The following RASSF1 variants were observed in gnomAD, a reference collection of about 807,000 sequenced individuals.
RASSF1 encodes Ras association domain family member 1.
A neutral mutation model predicts 34.3 loss-of-function variants in RASSF1; 33 were observed. The observed-to-expected ratio is 0.96, with a 90% CI of 0.73 to 1.29. RASSF1 has a LOEUF of 1.29. RASSF1 is among the 50% of genes most tolerant of loss of function. RASSF1 has a pLI of 0.00. For synonymous variants in RASSF1, 191 were observed against 195.0 expected (o/e 0.98, Z 0.17); for missense variants, 445 against 471.8 (o/e 0.94, Z 0.53).
chr3:50,333,602 G>A (rs921583086), intron 2 of RASSF1, among the ~76,000 whole-genome samples: 6 of 151,712 alleles, frequency 4.0e-5, no homozygotes, highest in Non-Finnish European at 7.4e-5. Context: ...TCAGACTCCC[G>A]AGTAGCTGGG....
At chr3:50,340,419 C>G (rs1703320173) in intron 1 of RASSF1, 137 bp downstream of exon 1, 1 of 1,215,078 alleles carries the variant, frequency 8.2e-7, no homozygotes. Context: ...CACTCTTCAG[C>G]GATGGGGCGA....
chr3:50,337,908 G>T lies in RASSF1; in HGVS notation c.354C>A (p.Asn118Lys), dbSNP rs200466395. 9 of 1,604,102 alleles carry T rather than the reference G, an allele frequency of 5.6e-6. No homozygotes were observed. In the African/African-American group the frequency reaches 1.1e-4, roughly 19 times the overall value. Residue 118 changes from asparagine to lysine, a missense_variant, in exon 2 of 6, where the codon AAC becomes AAA. Asn to Lys is a moderately conservative substitution (Grantham distance 94, BLOSUM62 0). Coordinates refer to ENST00000359365, the MANE Select transcript of RASSF1 (RefSeq NM_007182.5). ...GWEPAVERDT[N>K]VDEPVEWETP... is the part of the protein sequence containing the mutation. ...ACGCCCTCGGCCCCGCGCTCACCAC[G>T]TTCGTGTCCCGCTCCACCGCGGGTT...
Position 50,332,165 on chromosome 3 carries a change from GGCCAGCATGGACACAGGGCCCTT to G in RASSF1, c.358-34_358-12del. The stretch of plus-strand genomic sequence containing the variant: ...CTCCACAGGCTCGTCCTGCAAGATG[GGCCAGCATGGACACAGGGCCCTT>G]GAGGAACCCAGGGCTTCTCTGAAAA... On this transcript the variant is annotated splice_polypyrimidine_tract_variant and intron_variant, in intron 2 of 5. Transcript: ENST00000359365. 1 of 1,612,994 alleles carries G rather than the reference GGCCAGCATGGACACAGGGCCCTT, an allele frequency of 6.2e-7. No individual in the cohort carries two copies. Among genetic ancestry groups the G allele is most frequent in the Non-Finnish European group, 8.5e-7 (1 of 1,179,032 alleles).
At chr3:50,337,788 C>A in intron 2 of RASSF1, 117 bp downstream of exon 2, 1 of 1,123,074 alleles carries the variant, frequency 8.9e-7, no homozygotes, top group East Asian at 2.5e-5. Flanking sequence ...TCTGTGCCGC[C>A]GGGAAATCGG....
chr3:50,338,271 A>G, intron 1 of RASSF1: 1 of 1,182,314 alleles, frequency 8.5e-7, no homozygotes, highest in South Asian at 3.3e-5. Flanking sequence ...CCCTTTCCTC[A>G]TTGGCAATTA....
intron 2 of RASSF1, among the ~76,000 whole-genome samples, chr3:50,333,807 C>T (rs1559842550): frequency 6.6e-6 from 1 of 152,146 alleles, no homozygotes; most frequent in Admixed American, 6.6e-5. Context: ...ACCACTCACT[C>T]CCCACCTCAT....
At chr3:50,338,819 A>C (rs1432052909) in intron 1 of RASSF1, among the ~76,000 whole-genome samples, 4 of 152,032 alleles carry the variant, frequency 2.6e-5, no homozygotes, top group Non-Finnish European at 5.9e-5. Flanking sequence ...TGTACTACCA[A>C]ATGGAATCCA....
chr3:50,332,193 A>C, intron 2 of RASSF1, 39 bp from the exon 3 acceptor site: 1 of 1,576,922 alleles, frequency 6.3e-7, no homozygotes, highest in Non-Finnish European at 8.7e-7. Context: ...GCCCTTGAGG[A>C]ACCCAGGGCT....
chr3:50,331,907 C>A, intron 3 of RASSF1, 51 bp from the exon 4 acceptor site: 2 of 1,548,798 alleles, frequency 1.3e-6, no homozygotes, highest in South Asian at 1.2e-5. Context: ...GGTGAGATGT[C>A]AGTCTACTTG....
intron 2 of RASSF1, chr3:50,336,954 G>C (rs1363324635): frequency 3.2e-6 from 2 of 622,704 alleles, no homozygotes; most frequent in African/African-American, 3.8e-5. Flanking sequence ...CAACCTGTCT[G>C]TGACAGAAAC....
Position 50,332,192 on chromosome 3 carries a change from G to C in RASSF1, c.358-38C>G, listed in dbSNP as rs750534610. On this transcript the variant is annotated intron_variant, in intron 2 of 5. Transcript: ENST00000359365. ...CCAGCATGGACACAGGGCCCTTGAG[G>C]AACCCAGGGCTTCTCTGAAAAATGG... The C allele has an allele frequency of 3.8e-6, 6 of 1,582,274 alleles. No individual in the cohort carries two copies. In the African/African-American group the frequency reaches 8.1e-5, roughly 21 times the overall value.
chr3:50,331,611 C>T lies in RASSF1; in HGVS notation c.708G>A (p.Val236=). The T allele has an allele frequency of 6.2e-7, 1 of 1,603,954 alleles. No homozygotes were observed. The highest frequency in any genetic ancestry group is 2.2e-5 in the East Asian group (1 of 44,508). Residue 236 remains valine, a synonymous_variant, in exon 4 of 6, where the codon GTG becomes GTA. Transcript: ENST00000359365. ...IEALLRKFLV[V]DDPRKFALFE... is the part of the protein sequence containing the mutation. Reference sequence around the variant, plus strand: ...AGAGTGCAAACTTGCGGGGGTCATCCACCACCAAGAACTTTCGCAGCAGGG... The same window carrying T: ...AGAGTGCAAACTTGCGGGGGTCATCTACCACCAAGAACTTTCGCAGCAGGG...
In RASSF1 at chr3:50,338,154, A is replaced by G. The variant is rs1183061156; in HGVS notation, c.251-143T>C. 8 of 1,446,106 alleles carry G rather than the reference A, an allele frequency of 5.5e-6. No individual in the cohort carries two copies. The East Asian group carries it at 1.8e-4, about 32-fold the overall frequency. The allele number at this position is 1,446,106 out of a possible 1,614,324, so 89.6% of individuals were successfully genotyped here. A position where few individuals can be genotyped will look rare whatever the true frequency, so the allele number is the denominator to read the frequency against. On this transcript the variant is annotated intron_variant, in intron 1 of 5. Coordinates refer to ENST00000359365, the MANE Select transcript of RASSF1 (RefSeq NM_007182.5). ...TCTCAGTGGGTTACCTCACACTGCT[A>G]CGCGGACTCTAATGTTGGCCACCTG...
At position 50,340,807 on chromosome 3, in the gene RASSF1, G is replaced by C; in HGVS notation, c.-2C>G. On this transcript the variant is annotated 5_prime_UTR_variant, in exon 1 of 6. Transcript: ENST00000359365. ...AATGAGCTCAGGCTCCCCCGACATG[G>C]CCCGGTTGGGCCCGTGCTTCGCTGG... 6.7e-7 allele frequency: 1 copy of C among 1,491,338 alleles called. No homozygotes were observed. Among genetic ancestry groups the C allele is most frequent in the Non-Finnish European group, 8.8e-7 (1 of 1,132,664 alleles). The allele number at this position is 1,491,338 out of a possible 1,614,324, so 92.4% of individuals were successfully genotyped here.
Position 50,330,832 on chromosome 3 carries a change from G to C in RASSF1, c.877-105C>G. On this transcript the variant is annotated intron_variant, in intron 5 of 5. Coordinates refer to ENST00000359365, the MANE Select transcript of RASSF1 (RefSeq NM_007182.5). The surrounding 1 kb of genome is among the most constrained non-coding windows in gnomAD (Gnocchi z 4.5). ...CCTCATGTTCACACAAGCTAGGACTGGGCTTTCTGATGTCAGGCTCTTGGC... is the reference window on the plus strand; with the variant it reads ...CCTCATGTTCACACAAGCTAGGACTCGGCTTTCTGATGTCAGGCTCTTGGC... The C allele has an allele frequency of 7.7e-7, 1 of 1,297,112 alleles. No homozygotes were observed. The highest frequency in any genetic ancestry group is 1.4e-5 in the South Asian group (1 of 69,770). The allele number at this position is 1,297,112 out of a possible 1,614,324, so 80.4% of individuals were successfully genotyped here. A position where few individuals can be genotyped will look rare whatever the true frequency, so the allele number is the denominator to read the frequency against.
At position 50,332,119 on chromosome 3, in the gene RASSF1, A is replaced by G. The variant is rs141672651; in HGVS notation, c.393T>C (p.Ser131=). ...EPVEWETPDL[S]QAEIEQKIKE... is the part of the protein sequence containing the mutation. ...TGATCTTCTGCTCAATCTCAGCTTG[A>G]GAAAGGTCAGGTGTCTCCCACTCCA... Residue 131 remains serine, a synonymous_variant, in exon 3 of 6, where the codon TCT becomes TCC. Transcript: ENST00000359365. 3.2e-5 allele frequency: 51 copies of G among 1,614,020 alleles called. No homozygotes were observed. In the African/African-American group the frequency reaches 6.3e-4, roughly 20 times the overall value.
At position 50,340,812 on chromosome 3, in the gene RASSF1, G is replaced by T. The variant is rs116422509; in HGVS notation, c.-7C>A. On this transcript the variant is annotated 5_prime_UTR_variant, in exon 1 of 6. Transcript: ENST00000359365. ...GCTCAGGCTCCCCCGACATGGCCCG[G>T]TTGGGCCCGTGCTTCGCTGGCTTTG... 15 of 1,491,868 alleles carry T rather than the reference G, an allele frequency of 1.0e-5. No individual in the cohort carries two copies. In the African/African-American group the frequency reaches 2.1e-4, roughly 20 times the overall value. The allele number at this position is 1,491,868 out of a possible 1,614,324, so 92.4% of individuals were successfully genotyped here. A position where few individuals can be genotyped will look rare whatever the true frequency, so the allele number is the denominator to read the frequency against.
At chr3:50,337,029 C>T in intron 2 of RASSF1, 1 of 1,150,176 alleles carries the variant, frequency 8.7e-7, no homozygotes. Context: ...GTTCCGCGGG[C>T]AGGTCCCCGG....
Position 50,331,395 on chromosome 3 carries a change from G to A in RASSF1, c.815C>T (p.Ala272Val), listed in dbSNP as rs1455839224. The A allele has an allele frequency of 6.2e-7, 1 of 1,606,878 alleles. No homozygotes were observed. Among genetic ancestry groups the A allele is most frequent in the East Asian group, 2.2e-5 (1 of 44,662 alleles). Residue 272 changes from alanine to valine, a missense_variant, in exon 5 of 6, where the codon GCA (alanine) becomes GTA (valine). Physicochemically the swap from Ala to Val is moderately conservative, Grantham distance 64 (BLOSUM62 0). Transcript: ENST00000359365. ...DEQPLRLRLLAGPSDKALSFV... is the reference protein window; with the variant it reads ...DEQPLRLRLLVGPSDKALSFV... The stretch of plus-strand genomic sequence containing the variant: ...GCTCAGGGCCTTGTCACTGGGCCCT[G>A]CCAGGAGCCGCAGCCGCAGGGGCTG...
Sources: gnomAD v4.1 joint callset for allele counts (sites outside exome capture counted in the v4.1 genomes callset) on GRCh38, gnomAD v4.1.1 for gene constraint, Gnocchi (gnomAD v3.1) non-coding constraint, MANE v1.5 for transcripts, NCBI Gene and HGNC (gene_info 2026-07-23, HGNC 2026-07-21) for gene names.